The following GPR176 variants were observed in gnomAD, a reference collection of about 807,000 sequenced individuals.
GPR176 encodes G-protein coupled receptor 176.
Under a neutral mutation model 35.4 loss-of-function variants are expected in GPR176, and 26 were observed. The ratio of observed to expected loss-of-function variants is 0.74; its 90% CI spans 0.54 to 1.02. GPR176 has a LOEUF of 1.02. Among genes scored for constraint, GPR176 ranks in the 50% least tolerant of loss-of-function variants. GPR176 has a pLI of 0.00. For synonymous variants in GPR176, 278 were observed against 271.3 expected, an observed-to-expected ratio of 1.02 and a Z score of -0.24; for missense variants, 597 against 665.3, an observed-to-expected ratio of 0.90 and a Z score of 1.13.
In GPR176 at chr15:39,807,275, G is replaced by A. The variant is rs1566935251; in HGVS notation, c.173-17C>T. ...TGAAGTTTCCTGGTCAGATATGAAA[G>A]AAAATAAAATAATTTAAATAAAAAT... is the stretch of plus-strand genomic sequence containing the variant. On this transcript the variant is annotated splice_polypyrimidine_tract_variant and intron_variant, in intron 1 of 2. Transcript: ENST00000561100. 74 of 1,408,326 alleles carry A rather than the reference G, an allele frequency of 5.3e-5. No individual in the cohort carries two copies. Among genetic ancestry groups the A allele is most frequent in the South Asian group, 2.4e-4 (14 of 57,678 alleles). The allele number at this position is 1,408,326 out of a possible 1,614,324, so 87.2% of individuals were successfully genotyped here.
intron 1 of GPR176, among the ~76,000 whole-genome samples, chr15:39,831,826 G>A (rs1046682577): frequency 7.2e-5 from 11 of 151,964 alleles, no homozygotes; most frequent in Non-Finnish European, 1.3e-4. Flanking sequence ...TCCTCAGAAT[G>A]TTTCCTAAAA....
At chr15:39,831,259 C>T (rs1273927808) in intron 1 of GPR176, among the ~76,000 whole-genome samples, 2 of 152,268 alleles carry the variant, frequency 1.3e-5, no homozygotes, top group East Asian at 3.9e-4. Flanking sequence ...TGTCTGTTTC[C>T]TCAAAAGATG....
At chr15:39,911,404 G>A (rs1249686860) in intron 1 of GPR176, among the ~76,000 whole-genome samples, 1 of 152,204 alleles carries the variant, frequency 6.6e-6, no homozygotes, top group Non-Finnish European at 1.5e-5. Flanking sequence ...CATTTATGGT[G>A]AAGCAAGTTT....
At chr15:39,857,016 T>G (rs900901813) in intron 1 of GPR176, among the ~76,000 whole-genome samples, 1 of 152,144 alleles carries the variant, frequency 6.6e-6, no homozygotes, top group African/African-American at 2.4e-5. Context: ...TGGGGAAGAT[T>G]CCAGTGCACA....
intron 1 of GPR176, chr15:39,807,466 GA>G: frequency 9.5e-7 from 1 of 1,049,034 alleles, no homozygotes; most frequent in Non-Finnish European, 1.3e-6. Context: ...AATAAGTCTA[GA>G]AAAAATTTTA....
chr15:39,900,051 T>C (rs1384442264), intron 1 of GPR176, among the ~76,000 whole-genome samples: 4 of 152,128 alleles, frequency 2.6e-5, no homozygotes. Flanking sequence ...AGTATAATCA[T>C]GTTCCCCCAC....
At chr15:39,818,971 T>C (rs1435133613) in intron 1 of GPR176, among the ~76,000 whole-genome samples, 1 of 152,248 alleles carries the variant, frequency 6.6e-6, no homozygotes, top group Non-Finnish European at 1.5e-5. Context: ...AAGCACATTA[T>C]TCTCTGAAAA....
chr15:39,854,207 A>T (rs2031057568), intron 1 of GPR176, among the ~76,000 whole-genome samples: 1 of 152,174 alleles, frequency 6.6e-6, no homozygotes, highest in Non-Finnish European at 1.5e-5. Flanking sequence ...ATCCCCAGAC[A>T]ATAAGGTTCT....
rs1900512507 is a variant in GPR176 at position 39,824,785 on chromosome 15, G to A, written c.173-17527C>T. Among the ~76,000 whole-genome samples the A allele has an allele frequency of 2.0e-5, 3 of 152,348 alleles. No homozygotes were observed. The South Asian group carries it at 6.2e-4, about 32-fold the overall frequency. On this transcript the variant is annotated intron_variant, in intron 1 of 2. Coordinates refer to ENST00000561100, the MANE Select transcript of GPR176 (RefSeq NM_007223.3). ...GGATTCCAAGTTTGAGGGGAACCCAGAAACAAGATGCTGAGCTACATATCC... is the reference window on the plus strand; with the variant it reads ...GGATTCCAAGTTTGAGGGGAACCCAAAAACAAGATGCTGAGCTACATATCC...
chr15:39,831,631 A>G (rs1011804974), intron 1 of GPR176, among the ~76,000 whole-genome samples: 4 of 152,064 alleles, frequency 2.6e-5, no homozygotes, highest in East Asian at 1.9e-4. Context: ...ACATCCAACA[A>G]AATACTGTAG....
At chr15:39,902,144 G>A (rs2033297932) in intron 1 of GPR176, among the ~76,000 whole-genome samples, 1 of 152,184 alleles carries the variant, frequency 6.6e-6, no homozygotes, top group African/African-American at 2.4e-5. Context: ...CAGAATTTCT[G>A]TTGGTGAAAC....
At chr15:39,833,253 A>T (rs1901204406) in intron 1 of GPR176, among the ~76,000 whole-genome samples, 1 of 152,208 alleles carries the variant, frequency 6.6e-6, no homozygotes, top group Non-Finnish European at 1.5e-5. Flanking sequence ...AACAACTCAA[A>T]TGTTCATCAA....
chr15:39,886,388 C>T (rs1011141941), intron 1 of GPR176, among the ~76,000 whole-genome samples: 1 of 152,188 alleles, frequency 6.6e-6, no homozygotes, highest in Non-Finnish European at 1.5e-5. Context: ...AACCTGGGGA[C>T]TTGTTCCAGC....
In GPR176 at chr15:39,920,014, C is replaced by G. The variant is rs1384163995; in HGVS notation, c.13G>C (p.Gly5Arg). 3.6e-6 allele frequency: 5 copies of G among 1,380,996 alleles called. No homozygotes were observed. Among genetic ancestry groups the G allele is most frequent in the Non-Finnish European group, 3.8e-6 (4 of 1,062,434 alleles). The allele number at this position is 1,380,996 out of a possible 1,614,324, so 85.5% of individuals were successfully genotyped here. The change falls in exon 1 of 3, where the codon GGG becomes CGG. Residue 5 changes from glycine (G) to arginine (R), a missense_variant. By Grantham distance (125) the Gly-to-Arg change is moderately radical (BLOSUM62 -2). Transcript: ENST00000561100. MGHNGSWISPNASEP... is the reference protein window; with the variant it reads MGHNRSWISPNASEP... ...CTGGCATTTGGAGAGATCCAGCTCC[C>G]GTTATGTCCCATGGCGAGGCTGGGA...
intron 1 of GPR176, among the ~76,000 whole-genome samples, chr15:39,842,267 C>T (rs147091996): frequency 6.6e-6 from 1 of 152,220 alleles, no homozygotes; most frequent in Non-Finnish European, 1.5e-5. Context: ...GCATATTTTA[C>T]AGGGTAGGAG....
intron 1 of GPR176, among the ~76,000 whole-genome samples, chr15:39,900,466 G>C (rs1412704049): frequency 6.6e-6 from 1 of 152,198 alleles, no homozygotes; most frequent in Non-Finnish European, 1.5e-5. Context: ...ACAAATTAAA[G>C]ATGTCTGATA....
At position 39,835,152 on chromosome 15, in the gene GPR176, G is replaced by A. The variant is rs530756111; in HGVS notation, c.173-27894C>T. On this transcript the variant is annotated intron_variant, in intron 1 of 2. Transcript: ENST00000561100. Reference sequence around the variant, plus strand: ...CCTGCTTCAGCCTCCCGAGTAGCTGGGATTACAGGCATGTGCCACCATGCC... The same window carrying A: ...CCTGCTTCAGCCTCCCGAGTAGCTGAGATTACAGGCATGTGCCACCATGCC... Among the ~76,000 whole-genome samples the A allele has an allele frequency of 4.1e-3, 626 of 152,106 alleles. 5 individuals carry two copies. Among genetic ancestry groups the A allele is most frequent in the African/African-American group, 0.015 (602 of 41,508 alleles).
At chr15:39,818,518 T>C (rs1900063370) in intron 1 of GPR176, among the ~76,000 whole-genome samples, 1 of 152,204 alleles carries the variant, frequency 6.6e-6, no homozygotes, top group African/African-American at 2.4e-5. Flanking sequence ...TTCTGTAATA[T>C]ATAAGAATAT....
In GPR176 at chr15:39,840,063, A is replaced by C. The variant is rs550829633; in HGVS notation, c.173-32805T>G. 2.3e-4 allele frequency among the ~76,000 whole-genome samples: 35 copies of C among 152,338 alleles called. No individual in the cohort carries two copies. In the South Asian group the frequency reaches 6.4e-3, roughly 28 times the overall value. ...AGTAAATTAGTTCAACCATCGTGGAAGACAGTGTGGCAATTCCTCAAGGAT... is the reference window on the plus strand; with the variant it reads ...AGTAAATTAGTTCAACCATCGTGGACGACAGTGTGGCAATTCCTCAAGGAT... On this transcript the variant is annotated intron_variant, in intron 1 of 2. Transcript: ENST00000561100.
Sources: allele counts gnomAD v4.1 joint callset (sites outside exome capture counted in the v4.1 genomes callset), GRCh38; gene constraint gnomAD v4.1.1; transcripts MANE v1.5; gene names NCBI Gene and HGNC (gene_info 2026-07-23, HGNC 2026-07-21).